Variants in PDE7A observed in about 807,000 individuals in gnomAD.
PDE7A encodes the protein high affinity 3',5'-cyclic-AMP phosphodiesterase 7A.
In PDE7A, 39 loss-of-function variants were observed where a neutral mutation model predicts 64.3. That is an observed-to-expected ratio of 0.61 (90% CI 0.47 to 0.79). The LOEUF (loss-of-function observed/expected upper bound fraction) is 0.79. Among genes scored for constraint, PDE7A ranks in the 30% least tolerant of loss-of-function variants. The pLI is 0.00. For missense variants in PDE7A, 470 were observed against 582.8 expected, an observed-to-expected ratio of 0.81 and a Z score of 1.99; for synonymous variants, 203 against 206.8, an observed-to-expected ratio of 0.98 and a Z score of 0.16.
chr8:65,786,783 T>G (rs531466065), intron 1 of PDE7A, among the ~76,000 whole-genome samples: 15 of 152,316 alleles, frequency 9.8e-5, no homozygotes, highest in East Asian at 9.6e-4. Flanking sequence ...ACTCGTGACT[T>G]TTCTAATTTA....
chr8:65,754,792 C>T (rs1808143382), intron 3 of PDE7A, among the ~76,000 whole-genome samples: 1 of 149,356 alleles, frequency 6.7e-6, no homozygotes, highest in Non-Finnish European at 1.5e-5. Flanking sequence ...AGATGAAGCC[C>T]CGTCTCTACT....
Position 65,738,755 on chromosome 8 carries a change from C to T in PDE7A, c.595+747G>A, listed in dbSNP as rs145491397. ...GCCCCAAATAATCTTTAAAGCCTAC[C>T]GTCAAAGAGATTCTAGGGGTCAGAA... On this transcript the variant is annotated intron_variant, in intron 6 of 12. Coordinates refer to ENST00000401827, the MANE Select transcript of PDE7A (RefSeq NM_001242318.3). Among the ~76,000 whole-genome samples, 767 of 152,202 alleles carry T rather than the reference C, an allele frequency of 5.0e-3. 6 individuals carry two copies. The highest frequency in any genetic ancestry group is 0.017 in the African/African-American group (714 of 41,534).
At chr8:65,778,540 G>C (rs1170552177) in intron 3 of PDE7A, among the ~76,000 whole-genome samples, 1 of 152,166 alleles carries the variant, frequency 6.6e-6, no homozygotes, top group East Asian at 1.9e-4. Context: ...TATATACCCT[G>C]ACTGAATTCC....
At position 65,750,421 on chromosome 8, in the gene PDE7A, G is replaced by C. The variant is rs575029937; in HGVS notation, c.284-2618C>G. Among the ~76,000 whole-genome samples, 411 of 151,062 alleles carry C rather than the reference G, an allele frequency of 2.7e-3. 1 individual carries two copies. Among genetic ancestry groups the C allele is most frequent in the African/African-American group, 9.5e-3 (389 of 41,068 alleles). On this transcript the variant is annotated intron_variant, in intron 3 of 12. Coordinates refer to ENST00000401827, the MANE Select transcript of PDE7A (RefSeq NM_001242318.3). ...AATTTTATTACTGGCAATTAGGATTGCTGTGTGTGTGTATTAGGATCACAC... is the reference window on the plus strand; with the variant it reads ...AATTTTATTACTGGCAATTAGGATTCCTGTGTGTGTGTATTAGGATCACAC...
chr8:65,746,411 A>G (rs1038838479), intron 4 of PDE7A, among the ~76,000 whole-genome samples: 1 of 152,208 alleles, frequency 6.6e-6, no homozygotes, highest in African/African-American at 2.4e-5. Flanking sequence ...GTTTTTAAAA[A>G]AACACTTCTA....
At chr8:65,752,004 T>A (rs1807993191) in intron 3 of PDE7A, among the ~76,000 whole-genome samples, 1 of 152,198 alleles carries the variant, frequency 6.6e-6, no homozygotes. Flanking sequence ...ATTTAGCCAG[T>A]CCTCTACTGA....
chr8:65,766,306 A>C (rs1212183544), intron 3 of PDE7A, among the ~76,000 whole-genome samples: 1 of 152,196 alleles, frequency 6.6e-6, no homozygotes, highest in Non-Finnish European at 1.5e-5. Flanking sequence ...TTAATTTAGG[A>C]CTCAAAATAT....
Position 65,798,206 on chromosome 8 carries a change from A to ATTTTT in PDE7A, c.139-15368_139-15364dup, listed in dbSNP as rs1554568896. 1.7e-3 allele frequency among the ~76,000 whole-genome samples: 123 copies of ATTTTT among 73,798 alleles called. 1 individual carries two copies. The highest frequency in any genetic ancestry group is 2.3e-3 in the Admixed American group (15 of 6,402). The allele number at this position is 73,798 out of a possible 152,430, so 48.4% of individuals were successfully genotyped here. A position where few individuals can be genotyped will look rare whatever the true frequency, so the allele number is the denominator to read the frequency against. On this transcript the variant is annotated intron_variant, in intron 1 of 12. Transcript: ENST00000401827. ...TATATATATATATATATATATATAT[A>ATTTTT]TTTTTTTTTTTTTGAGATGGAGTCT...
At chr8:65,755,337 A>C (rs1808176749) in intron 3 of PDE7A, among the ~76,000 whole-genome samples, 1 of 152,034 alleles carries the variant, frequency 6.6e-6, no homozygotes, top group Non-Finnish European at 1.5e-5. Flanking sequence ...TGCCTTTTTA[A>C]AATTTAGGTT....
At chr8:65,734,663 A>G in intron 7 of PDE7A, 131 bp downstream of exon 7, 1 of 623,600 alleles carries the variant, frequency 1.6e-6, no homozygotes, top group Non-Finnish European at 2.9e-6. Context: ...AACTTGATCC[A>G]GCTAGATCTC....
chr8:65,739,651 A>G (rs1272485258), intron 5 of PDE7A, 54 bp from the exon 6 acceptor site: 3 of 1,366,428 alleles, frequency 2.2e-6, no homozygotes, highest in African/African-American at 3.0e-5. Context: ...CAACACAATT[A>G]TATTATGCTT....
At chr8:65,838,716 TA>T (rs1424971432) in intron 1 of PDE7A, 2 of 152,250 alleles carry the variant, frequency 1.3e-5, no homozygotes, top group Non-Finnish European at 2.9e-5. Context: ...AGGGTGCTTG[TA>T]AAAGTTGCTG....
Position 65,726,896 on chromosome 8 carries a change from G to A in PDE7A, c.899C>T (p.Ser300Leu), listed in dbSNP as rs200534094. The change falls in exon 9 of 13, where the codon TCA (serine) becomes TTA (leucine). Residue 300 changes from serine to leucine, a missense_variant. Physicochemically the swap from Ser to Leu is moderately radical, Grantham distance 145 (BLOSUM62 -2). Transcript: ENST00000401827. Reference protein sequence around the residue: ...VGLLRESGLFSHLPLESRQQM... With the variant: ...VGLLRESGLFLHLPLESRQQM... The stretch of plus-strand genomic sequence containing the variant: ...CTACCTGCTTTCTAATGGCAGATGT[G>A]AGAATAAGCCTGATTCTCTCAATAA... 14 of 1,598,714 alleles carry A rather than the reference G, an allele frequency of 8.8e-6. No homozygotes were observed. In the East Asian group the frequency reaches 2.5e-4, roughly 28 times the overall value.
rs757122383 is a variant in PDE7A at position 65,719,300 on chromosome 8, C to T, written c.1439G>A (p.Arg480Gln). Reference protein sequence around the residue: ...LNSQLLPQENRLS With the variant: ...LNSQLLPQENQLS ...CACTGGTTCTGGGGGTTATGATAACCGATTTTCCTGAGGTAATAACTGTGA... is the reference window on the plus strand; with the variant it reads ...CACTGGTTCTGGGGGTTATGATAACTGATTTTCCTGAGGTAATAACTGTGA... Residue 480 changes from arginine to glutamine, a missense_variant, in exon 13 of 13, where the codon CGG becomes CAG. By Grantham distance (43) the Arg-to-Gln change is conservative. Coordinates refer to ENST00000401827, the MANE Select transcript of PDE7A (RefSeq NM_001242318.3). 23 of 1,612,894 alleles carry T rather than the reference C, an allele frequency of 1.4e-5. 2 individuals carry two copies. The South Asian group carries it at 2.0e-4, about 14-fold the overall frequency.
Position 65,715,923 on chromosome 8 carries a change from G to A in PDE7A, c.*3367C>T, listed in dbSNP as rs1467391976. Among the ~76,000 whole-genome samples the A allele has an allele frequency of 2.7e-5, 4 of 148,400 alleles. No homozygotes were observed. Among genetic ancestry groups the A allele is most frequent in the Non-Finnish European group, 4.5e-5 (3 of 67,226 alleles). Reference sequence around the variant, plus strand: ...GAATGAGGAGAATGGCGTGAACCCGGGAGGCGGAACTTGCAGTGAGCCAAT... The same window carrying A: ...GAATGAGGAGAATGGCGTGAACCCGAGAGGCGGAACTTGCAGTGAGCCAAT... On this transcript the variant is annotated 3_prime_UTR_variant, in exon 13 of 13. Transcript: ENST00000401827.
chr8:65,729,653 T>C (rs908327158), intron 7 of PDE7A, among the ~76,000 whole-genome samples: 1 of 151,898 alleles, frequency 6.6e-6, no homozygotes, highest in African/African-American at 2.4e-5. Context: ...AGCCTCTGCC[T>C]CCCAGGTTCA....
chr8:65,779,016 C>T (rs1332759780), intron 3 of PDE7A, among the ~76,000 whole-genome samples: 1 of 152,196 alleles, frequency 6.6e-6, no homozygotes, highest in Non-Finnish European at 1.5e-5. Flanking sequence ...AGAATCAGTA[C>T]ATGCTATTAA....
intron 1 of PDE7A, among the ~76,000 whole-genome samples, chr8:65,833,889 T>C (rs963086998): frequency 6.6e-6 from 1 of 152,046 alleles, no homozygotes; most frequent in Non-Finnish European, 1.5e-5. Context: ...ATGCAGAGGT[T>C]GCAATGAGCC....
At chr8:65,735,021 C>T (rs910744949) in intron 6 of PDE7A, 127 bp from the exon 7 acceptor site, 3 of 642,956 alleles carry the variant, frequency 4.7e-6, no homozygotes, top group Admixed American at 2.3e-5. Flanking sequence ...CGTGCCGATT[C>T]GGGCAGATGA....
Sources: gnomAD v4.1 joint callset for allele counts (sites outside exome capture counted in the v4.1 genomes callset) on GRCh38, gnomAD v4.1.1 for gene constraint, MANE v1.5 for transcripts, NCBI Gene and HGNC (gene_info 2026-07-23, HGNC 2026-07-21) for gene names.